DAAM2: variants seen among roughly 807,000 people sequenced by gnomAD.
The protein encoded by DAAM2 is dishevelled associated activator of morphogenesis 2, also known as disheveled-associated activator of morphogenesis 2.
In DAAM2, 39 loss-of-function variants were observed where a neutral mutation model predicts 120.7. The observed-to-expected ratio is 0.32, with a 90% CI of 0.25 to 0.42. The LOEUF (loss-of-function observed/expected upper bound fraction) is 0.42, where lower values mean the gene tolerates loss of function less well. DAAM2 is among the 10% of genes least tolerant of loss of function. The pLI, the probability that DAAM2 is intolerant of heterozygous loss-of-function variation, is 1.00. For synonymous variants in DAAM2, 488 were observed against 524.9 expected (o/e 0.93, Z 0.96); for missense variants, 1,283 against 1,401.7 (o/e 0.92, Z 1.35).
chr6:39,845,540 A>G (rs1334705019), intron 1 of DAAM2, among the ~76,000 whole-genome samples: 2 of 150,270 alleles, frequency 1.3e-5, no homozygotes, highest in African/African-American at 5.0e-5. Context: ...CTACACATAC[A>G]TAAACATACA....
chr6:39,884,309 C>T (rs1562052733), intron 15 of DAAM2: 1 of 441,074 alleles, frequency 2.3e-6, no homozygotes, highest in Non-Finnish European at 4.1e-6. Context: ...GGTGCACAGA[C>T]CATAGGGGGA....
At chr6:39,849,362 T>C (rs949254696) in intron 1 of DAAM2, among the ~76,000 whole-genome samples, 1 of 152,016 alleles carries the variant, frequency 6.6e-6, no homozygotes. Context: ...GAAAGAAAAC[T>C]CTCTGTAATA....
intron 1 of DAAM2, among the ~76,000 whole-genome samples, chr6:39,838,902 A>C (rs544867679): frequency 1.3e-5 from 2 of 151,960 alleles, no homozygotes; most frequent in South Asian, 2.1e-4. Context: ...CAAGTGACCC[A>C]CCCACCTCGG....
chr6:39,877,006 G>A (rs1446608193), intron 11 of DAAM2, among the ~76,000 whole-genome samples: 8 of 152,148 alleles, frequency 5.3e-5, no homozygotes. Flanking sequence ...TTCCTTGCTG[G>A]GTGCCTCTCA....
intron 1 of DAAM2, among the ~76,000 whole-genome samples, chr6:39,796,883 G>A (rs930799202): frequency 1.3e-5 from 2 of 152,042 alleles, no homozygotes; most frequent in Non-Finnish European, 2.9e-5. Flanking sequence ...AAATGAAATG[G>A]AATGATATAA....
At chr6:39,866,419 T>C (rs1764433999) in intron 5 of DAAM2, among the ~76,000 whole-genome samples, 1 of 152,222 alleles carries the variant, frequency 6.6e-6, no homozygotes, top group South Asian at 2.1e-4. Flanking sequence ...TTTTATTTTC[T>C]AGGCGTATTT....
chr6:39,862,810 A>C (rs1427156697), intron 3 of DAAM2: 1 of 43,078 alleles, frequency 2.3e-5, no homozygotes, highest in Admixed American at 2.2e-4. Flanking sequence ...CATCTCAAAA[A>C]AAAAAAAAAA....
intron 1 of DAAM2, among the ~76,000 whole-genome samples, chr6:39,804,560 G>A (rs1299583049): frequency 1.3e-5 from 2 of 150,968 alleles, no homozygotes; most frequent in East Asian, 2.0e-4. Context: ...GTGTATGCAT[G>A]CATGCGCACA....
rs1409520892 is a variant in DAAM2 at position 39,887,473 on chromosome 6, T to C, written c.1954-13T>C. 1 of 1,603,346 alleles carries C rather than the reference T, an allele frequency of 6.2e-7. No homozygotes were observed. Among genetic ancestry groups the C allele is most frequent in the Non-Finnish European group, 8.5e-7 (1 of 1,171,788 alleles). On this transcript the variant is annotated splice_polypyrimidine_tract_variant and intron_variant, in intron 15 of 24. Transcript: ENST00000274867. Reference sequence around the variant, plus strand: ...CCCACACCTCAACTGTCCACTTGACTTGTTGGTTGCAGAAAGAGCTGGGCT... The same window carrying C: ...CCCACACCTCAACTGTCCACTTGACCTGTTGGTTGCAGAAAGAGCTGGGCT...
intron 7 of DAAM2, among the ~76,000 whole-genome samples, chr6:39,869,558 C>G (rs1256992968): frequency 1.3e-5 from 2 of 152,056 alleles, no homozygotes; most frequent in East Asian, 3.9e-4. Context: ...TCATTGCACT[C>G]TAGCCTAGGG....
intron 1 of DAAM2, among the ~76,000 whole-genome samples, chr6:39,854,407 T>C (rs2504803): frequency 0.11 from 16,948 of 152,152 alleles, 1,381 homozygotes; most frequent in South Asian, 0.36. Flanking sequence ...GCCCTCACGA[T>C]ATTTATGAGA....
chr6:39,832,770 G>A (rs529689656), intron 1 of DAAM2, among the ~76,000 whole-genome samples: 186 of 152,252 alleles, frequency 1.2e-3, no homozygotes, highest in African/African-American at 4.0e-3. Context: ...AGTTCTCCAC[G>A]GAGCTGTACC....
At chr6:39,876,575 T>C (rs1328466844) in intron 11 of DAAM2, among the ~76,000 whole-genome samples, 3 of 152,104 alleles carry the variant, frequency 2.0e-5, no homozygotes, top group African/African-American at 7.2e-5. Context: ...AGTCCTAAGA[T>C]CACTTTCAAG....
At chr6:39,812,238 A>G (rs535630636) in intron 1 of DAAM2, among the ~76,000 whole-genome samples, 125 of 152,286 alleles carry the variant, frequency 8.2e-4, no homozygotes, top group African/African-American at 2.7e-3. Context: ...TTCAAATTCA[A>G]ATTCTCTAAA....
At chr6:39,870,528 C>A in intron 8 of DAAM2, 85 bp downstream of exon 8, 1 of 873,942 alleles carries the variant, frequency 1.1e-6, no homozygotes, top group South Asian at 1.5e-5. Context: ...TGAAGGCTGC[C>A]CTTCCCTCTG....
chr6:39,812,926 G>GCA (rs1017254255), intron 1 of DAAM2, among the ~76,000 whole-genome samples: 11 of 152,052 alleles, frequency 7.2e-5, no homozygotes, highest in African/African-American at 2.4e-4. Context: ...CACCAAGAAA[G>GCA]CACGATTCCT....
chr6:39,796,584 A>G (rs1233213886), intron 1 of DAAM2, among the ~76,000 whole-genome samples: 1 of 146,412 alleles, frequency 6.8e-6, no homozygotes, highest in East Asian at 2.0e-4. Flanking sequence ...ATGGTTATTA[A>G]TAGGTGTTAT....
chr6:39,816,878 C>T (rs552254136), intron 1 of DAAM2, among the ~76,000 whole-genome samples: 1 of 152,340 alleles, frequency 6.6e-6, no homozygotes, highest in Admixed American at 6.5e-5. Flanking sequence ...TGGCGGGAAA[C>T]CTCACAGGAA....
At chr6:39,876,358 C>A (rs1764867658) in intron 11 of DAAM2, among the ~76,000 whole-genome samples, 1 of 152,192 alleles carries the variant, frequency 6.6e-6, no homozygotes. Flanking sequence ...ATTCTTGCTA[C>A]TGTTTTCATT....
Sources: allele counts gnomAD v4.1 joint callset (sites outside exome capture counted in the v4.1 genomes callset), GRCh38; gene constraint gnomAD v4.1.1; transcripts MANE v1.5; gene names NCBI Gene and HGNC (gene_info 2026-07-23, HGNC 2026-07-21).